The following ATXN8OS variants were observed in gnomAD, a reference collection of about 807,000 sequenced individuals.
ATXN8OS encodes ATXN8 opposite strand (non-protein coding).
chr13:70,156,269 GT>G (rs1888935867), intron 4 of ATXN8OS, among the ~76,000 whole-genome samples: 5 of 145,154 alleles, frequency 3.4e-5, no homozygotes, highest in Non-Finnish European at 7.7e-5. Flanking sequence ...GTGTGTGTGT[GT>G]TTATATTGGT....
chr13:70,166,362 A>G (rs1272340144), intron 4 of ATXN8OS, among the ~76,000 whole-genome samples: 1 of 152,026 alleles, frequency 6.6e-6, no homozygotes, highest in African/African-American at 2.4e-5. Context: ...AATAATCCGC[A>G]TATCTACAAC....
chr13:70,140,839 T>C (rs2137492077), intron 3 of ATXN8OS, among the ~76,000 whole-genome samples: 1 of 152,222 alleles, frequency 6.6e-6, no homozygotes, highest in African/African-American at 2.4e-5. Flanking sequence ...TCCAGCTTAT[T>C]CTATGAACTG....
intron 4 of ATXN8OS, among the ~76,000 whole-genome samples, chr13:70,154,263 G>A (rs141851019): frequency 2.0e-3 from 309 of 152,256 alleles, no homozygotes; most frequent in African/African-American, 6.9e-3. Context: ...TCTCTTTTCA[G>A]TAATTAAATA....
chr13:70,120,771 G>A (rs1888348849), intron 2 of ATXN8OS, among the ~76,000 whole-genome samples: 2 of 151,986 alleles, frequency 1.3e-5, no homozygotes, highest in African/African-American at 4.8e-5. Context: ...GTCCTTTGTA[G>A]GGACATGGAT....
At chr13:70,165,291 A>G (rs1169734997) in intron 4 of ATXN8OS, among the ~76,000 whole-genome samples, 1 of 151,848 alleles carries the variant, frequency 6.6e-6, no homozygotes, top group East Asian at 1.9e-4. Flanking sequence ...ATAGTTATAG[A>G]TATGTTAGAC....
In ATXN8OS at chr13:70,171,007, C is replaced by A. The variant is rs762017243; in HGVS notation, n.1828C>A. On this transcript the variant is annotated non_coding_transcript_exon_variant, in exon 5 of 5. Transcript: ENST00000678624. Reference sequence around the variant, plus strand: ...ATGATATAAAAGATAAAAAATGGTACACCTGTATAGGGCACTGTTAAAAGA... The same window carrying A: ...ATGATATAAAAGATAAAAAATGGTAAACCTGTATAGGGCACTGTTAAAAGA... 5.9e-5 allele frequency among the ~76,000 whole-genome samples: 9 copies of A among 152,056 alleles called. 1 individual carries two copies. Among genetic ancestry groups the A allele is most frequent in the Non-Finnish European group, 8.8e-5 (6 of 67,996 alleles).
At chr13:70,124,076 A>G (rs904435719) in intron 2 of ATXN8OS, among the ~76,000 whole-genome samples, 2 of 152,060 alleles carry the variant, frequency 1.3e-5, no homozygotes, top group South Asian at 2.1e-4. Flanking sequence ...TTCACATGCC[A>G]TTTTTCTTTA....
At chr13:70,146,928 T>A (rs980897687) in intron 3 of ATXN8OS, among the ~76,000 whole-genome samples, 4 of 152,202 alleles carry the variant, frequency 2.6e-5, no homozygotes, top group South Asian at 2.1e-4. Context: ...AATGAAATTT[T>A]AAAAAAAGTG....
intron 4 of ATXN8OS, among the ~76,000 whole-genome samples, chr13:70,156,368 T>A (rs762683485): frequency 1.3e-5 from 2 of 152,102 alleles, no homozygotes; most frequent in Non-Finnish European, 2.9e-5. Context: ...ATGTATAACT[T>A]TTCTGGAAAT....
intron 4 of ATXN8OS, among the ~76,000 whole-genome samples, chr13:70,153,375 C>A (rs186729674): frequency 6.6e-6 from 1 of 151,892 alleles, no homozygotes; most frequent in African/African-American, 2.4e-5. Context: ...GAGTTTGAGA[C>A]CAGTCTGGCC....
intron 2 of ATXN8OS, among the ~76,000 whole-genome samples, chr13:70,127,668 AT>A (rs11325324): frequency 0.52 from 78,158 of 149,584 alleles, 20,641 homozygotes; most frequent in East Asian, 0.68. Context: ...GAAAACAAAC[AT>A]TTTTTTTTTT....
intron 1 of ATXN8OS, among the ~76,000 whole-genome samples, chr13:70,110,527 A>C (rs1378162150): frequency 6.6e-6 from 1 of 151,944 alleles, no homozygotes. Context: ...AAATGGAAGA[A>C]AGAGAGGAAA....
exon 5 of ATXN8OS, among the ~76,000 whole-genome samples, chr13:70,170,925 A>G (rs1889138051): frequency 6.6e-6 from 1 of 152,122 alleles, no homozygotes; most frequent in Admixed American, 6.6e-5. Flanking sequence ...ATTTAACACA[A>G]TGGTGACTGT....
At chr13:70,169,411 C>T (rs2137509738) in intron 4 of ATXN8OS, among the ~76,000 whole-genome samples, 1 of 152,130 alleles carries the variant, frequency 6.6e-6, no homozygotes, top group South Asian at 2.1e-4. Context: ...ATTCTCCTGC[C>T]TCAGCCTCCC....
chr13:70,146,819 A>T (rs1239300606), intron 3 of ATXN8OS, among the ~76,000 whole-genome samples: 2 of 152,046 alleles, frequency 1.3e-5, no homozygotes, highest in Non-Finnish European at 2.9e-5. Flanking sequence ...ATGCTAAATG[A>T]CAAGTTAATG....
At chr13:70,146,573 A>T (rs1000343039) in intron 3 of ATXN8OS, among the ~76,000 whole-genome samples, 4 of 152,204 alleles carry the variant, frequency 2.6e-5, no homozygotes, top group African/African-American at 9.7e-5. Flanking sequence ...ACCAGGGAAT[A>T]CTATGCAGCC....
At chr13:70,139,299 A>G in intron 3 of ATXN8OS, 1 of 539,354 alleles carries the variant, frequency 1.9e-6, no homozygotes, top group South Asian at 3.1e-5. Context: ...CTGAAGCCCT[A>G]TTCCCAATTC....
chr13:70,171,313 G>C (rs1889141252), exon 5 of ATXN8OS, among the ~76,000 whole-genome samples: 1 of 152,142 alleles, frequency 6.6e-6, no homozygotes, highest in Non-Finnish European at 1.5e-5. Context: ...ATTATGTACA[G>C]AGAAACCTTT....
chr13:70,139,929 T>C (rs921722401), intron 3 of ATXN8OS, among the ~76,000 whole-genome samples: 12 of 152,194 alleles, frequency 7.9e-5, no homozygotes, highest in Non-Finnish European at 1.8e-4. Flanking sequence ...GATGTTTTAA[T>C]GTAGACATAT....
Sources: allele counts gnomAD v4.1 joint callset (sites outside exome capture counted in the v4.1 genomes callset), GRCh38; gene constraint gnomAD v4.1.1; transcripts MANE v1.5; gene names NCBI Gene and HGNC (gene_info 2026-07-23, HGNC 2026-07-21).